Variants in ZDHHC21 observed in about 807,000 individuals in gnomAD.
The protein encoded by ZDHHC21 is zDHHC palmitoyltransferase 21.
ZDHHC21 carries 15 observed loss-of-function variants against 34.6 expected under a neutral mutation model. That is an observed-to-expected ratio of 0.43 (90% confidence interval 0.29 to 0.67). The LOEUF (loss-of-function observed/expected upper bound fraction) is 0.67. Among genes scored for constraint, ZDHHC21 ranks in the 30% least tolerant of loss-of-function variants. The pLI is 0.14. For missense variants in ZDHHC21, 344 were observed against 327.7 expected (o/e 1.05, Z -0.38); for synonymous variants, 142 against 101.8 (o/e 1.40, Z -2.38).
At chr9:14,647,370 A>G (rs563388755) in intron 7 of ZDHHC21, among the ~76,000 whole-genome samples, 1 of 152,266 alleles carries the variant, frequency 6.6e-6, no homozygotes, top group South Asian at 2.1e-4. Context: ...GAATTCCTTC[A>G]GCTCATATCT....
intron 7 of ZDHHC21, among the ~76,000 whole-genome samples, chr9:14,655,623 T>G (rs1832069777): frequency 6.6e-6 from 1 of 151,848 alleles, no homozygotes; most frequent in Admixed American, 6.6e-5. Context: ...CTAACTTATA[T>G]TATACTTCAA....
rs192983987 is a variant in ZDHHC21, at chr9:14,687,345, C to T, written c.-176+2992G>A. Among the ~76,000 whole-genome samples, 95 of 150,880 alleles carry T rather than the reference C, an allele frequency of 6.3e-4. 7 individuals are homozygous for T. Among genetic ancestry groups the T allele is most frequent in the Middle Eastern group, 6.8e-3 (2 of 294 alleles). ...CAGTACTAGATAAACACCACTACCT[C>T]TGAGAAATGAAATCTCATCTATGTG... is the stretch of plus-strand genomic sequence containing the variant. On this transcript the variant is annotated intron_variant, in intron 2 of 9. Transcript: ENST00000380916.
intron 7 of ZDHHC21, among the ~76,000 whole-genome samples, chr9:14,644,764 T>C (rs990907532): frequency 2.6e-5 from 4 of 151,436 alleles, no homozygotes; most frequent in African/African-American, 9.7e-5. Flanking sequence ...TATAACCACA[T>C]TACATACTAT....
intron 8 of ZDHHC21, chr9:14,622,744 G>C: frequency 2.0e-6 from 2 of 985,120 alleles, no homozygotes; most frequent in Non-Finnish European, 2.4e-6. Flanking sequence ...TATCTCTTTT[G>C]AGTCTGGAAG....
chr9:14,590,960 T>C, the ZDHHC21 span, among the ~76,000 whole-genome samples: 2 of 152,104 alleles, frequency 1.3e-5, no homozygotes, highest in Non-Finnish European at 2.9e-5. Context: ...TATACAACAA[T>C]ATGCAATAGA....
At chr9:14,655,670 A>G (rs1291970415) in intron 7 of ZDHHC21, among the ~76,000 whole-genome samples, 1 of 151,832 alleles carries the variant, frequency 6.6e-6, no homozygotes, top group Admixed American at 6.6e-5. Context: ...TGGGGAAACT[A>G]TAAAAAGAGT....
the ZDHHC21 span, among the ~76,000 whole-genome samples, chr9:14,600,295 A>G: frequency 3.3e-5 from 5 of 152,262 alleles, no homozygotes; most frequent in East Asian, 1.9e-4. Flanking sequence ...GCTGATAAGC[A>G]ACTTCAGCAA....
intron 5 of ZDHHC21, among the ~76,000 whole-genome samples, chr9:14,672,116 A>C (rs571802199): frequency 2.6e-5 from 4 of 152,140 alleles, no homozygotes; most frequent in Admixed American, 2.6e-4. Context: ...GTTTTAAAAA[A>C]GCAGAAACGC....
intron 2 of ZDHHC21, among the ~76,000 whole-genome samples, 160 bp from the exon 3 acceptor site, chr9:14,680,322 T>A (rs569650751): frequency 6.6e-6 from 1 of 152,116 alleles, no homozygotes. Flanking sequence ...ATCCCACCCA[T>A]CCCCTCAGAA....
At chr9:14,664,308 A>G (rs1233963017) in intron 5 of ZDHHC21, among the ~76,000 whole-genome samples, 1 of 152,120 alleles carries the variant, frequency 6.6e-6, no homozygotes, top group Non-Finnish European at 1.5e-5. Flanking sequence ...GACCGGCTTA[A>G]GAAACGGCGC....
At chr9:14,663,894 CATTT>C (rs1331256201) in intron 5 of ZDHHC21, among the ~76,000 whole-genome samples, 6 of 152,170 alleles carry the variant, frequency 3.9e-5, no homozygotes. Flanking sequence ...AATAAAAACT[CATTT>C]AATCTATAGC....
At chr9:14,676,654 T>A (rs1014535001) in intron 3 of ZDHHC21, among the ~76,000 whole-genome samples, 13 of 152,012 alleles carry the variant, frequency 8.6e-5, no homozygotes, top group African/African-American at 2.9e-4. Flanking sequence ...TATCTTTTAA[T>A]TTAAAAATCA....
intron 8 of ZDHHC21, among the ~76,000 whole-genome samples, chr9:14,632,594 TTGAAACAATAAAAAGTACTA>T (rs1377264265): frequency 0.016 from 167 of 10,584 alleles, 71 homozygotes; most frequent in African/African-American, 0.06. Context: ...AAAAAATAAA[TTGAAACAATAAAAAGTACTA>T]ATTTTGTGCT....
chr9:14,604,630 T>C, the ZDHHC21 span, among the ~76,000 whole-genome samples: 1 of 152,184 alleles, frequency 6.6e-6, no homozygotes, highest in African/African-American at 2.4e-5. Context: ...TAATTAATCT[T>C]GGTATTTTTA....
Position 14,659,598 on chromosome 9 carries a change from C to A in ZDHHC21, c.366-711G>T, listed in dbSNP as rs377193202. ...GTATCCTAAAATTCCAGCAAAAAAC[C>A]CTAGTTCAAGACTACAAATGACTTT... On this transcript the variant is annotated intron_variant, in intron 6 of 9. Coordinates refer to ENST00000380916, the MANE Select transcript of ZDHHC21 (RefSeq NM_178566.6). 3.3e-5 allele frequency among the ~76,000 whole-genome samples: 5 copies of A among 152,212 alleles called. No homozygotes were observed. In the East Asian group the frequency reaches 7.7e-4, roughly 23 times the overall value.
intron 8 of ZDHHC21, chr9:14,622,436 A>C: frequency 1.4e-6 from 1 of 702,892 alleles, no homozygotes; most frequent in Non-Finnish European, 1.7e-6. Context: ...CTAAGAGAAA[A>C]GGAGAAAGAG....
the ZDHHC21 span, among the ~76,000 whole-genome samples, chr9:14,605,359 CAACACT>C: frequency 6.6e-6 from 1 of 152,048 alleles, no homozygotes; most frequent in African/African-American, 2.4e-5. Context: ...ACATCCTCAC[CAACACT>C]ATTTTTTTCA....
intron 2 of ZDHHC21, among the ~76,000 whole-genome samples, chr9:14,680,990 A>T (rs1837276469): frequency 6.6e-6 from 1 of 152,192 alleles, no homozygotes; most frequent in African/African-American, 2.4e-5. Context: ...TCAGACCAAG[A>T]CAACAGAATA....
At chr9:14,663,029 T>C (rs1357268151) in intron 5 of ZDHHC21, among the ~76,000 whole-genome samples, 1 of 152,182 alleles carries the variant, frequency 6.6e-6, no homozygotes, top group Non-Finnish European at 1.5e-5. Context: ...AGCAATTTCC[T>C]CTAATCTGGA....
Sources: gnomAD v4.1 joint callset for allele counts (sites outside exome capture counted in the v4.1 genomes callset) on GRCh38, gnomAD v4.1.1 for gene constraint, MANE v1.5 for transcripts, NCBI Gene and HGNC (gene_info 2026-07-23, HGNC 2026-07-21) for gene names.